Variants in ARHGAP15 observed in about 807,000 individuals in gnomAD.
The protein encoded by ARHGAP15 is Rho GTPase activating protein 15.
A neutral mutation model predicts 63.7 loss-of-function variants in ARHGAP15; 51 were observed. The ratio of observed to expected loss-of-function variants is 0.80; its 90% CI spans 0.64 to 1.01. The LOEUF is 1.01. Ranked by LOEUF, ARHGAP15 falls within the 50% of genes least tolerant of loss-of-function variation. The probability of loss-of-function intolerance (pLI) is 0.00; values close to 1 mark genes in which losing one functional copy is unlikely to be tolerated. For synonymous variants in ARHGAP15, 191 were observed against 193.8 expected (o/e 0.99, Z 0.12); for missense variants, 560 against 564.6 (o/e 0.99, Z 0.08).
At chr2:143,475,109 G>C (rs967918420) in intron 8 of ARHGAP15, among the ~76,000 whole-genome samples, 22 of 152,168 alleles carry the variant, frequency 1.4e-4, no homozygotes, top group African/African-American at 5.1e-4. Flanking sequence ...GAATGATGTG[G>C]ATCTTTGTGG....
chr2:143,398,921 A>T (rs1173073939), intron 6 of ARHGAP15, among the ~76,000 whole-genome samples: 2 of 152,074 alleles, frequency 1.3e-5, no homozygotes, highest in African/African-American at 4.8e-5. Flanking sequence ...GAAGAAACAG[A>T]TTAATTGGAG....
chr2:143,226,885 T>A (rs1466791452), intron 4 of ARHGAP15, among the ~76,000 whole-genome samples: 1 of 152,224 alleles, frequency 6.6e-6, no homozygotes, highest in Non-Finnish European at 1.5e-5. Flanking sequence ...ATATTAACCT[T>A]ACTGAATCAA....
intron 6 of ARHGAP15, among the ~76,000 whole-genome samples, chr2:143,370,037 G>A (rs1407338194): frequency 1.3e-5 from 2 of 152,096 alleles, no homozygotes; most frequent in African/African-American, 4.8e-5. Context: ...GGGACAGTAA[G>A]AAGTAGATAA....
chr2:143,702,547 C>T (rs1193598350), intron 12 of ARHGAP15, among the ~76,000 whole-genome samples: 1 of 152,116 alleles, frequency 6.6e-6, no homozygotes, highest in African/African-American at 2.4e-5. Context: ...GTAATCAAAT[C>T]ACACTATATG....
intron 11 of ARHGAP15, among the ~76,000 whole-genome samples, chr2:143,588,406 G>A (rs772574201): frequency 2.4e-4 from 36 of 152,042 alleles, no homozygotes; most frequent in Non-Finnish European, 3.5e-4. Context: ...TGTGCAGAAC[G>A]TGAGGTTTGC....
chr2:143,339,094 C>A (rs1007839447), intron 6 of ARHGAP15, among the ~76,000 whole-genome samples: 1 of 151,936 alleles, frequency 6.6e-6, no homozygotes, highest in South Asian at 2.1e-4. Context: ...AGACTTGATT[C>A]TAAAGGATAT....
intron 11 of ARHGAP15, among the ~76,000 whole-genome samples, chr2:143,602,381 G>C (rs1038934279): frequency 1.3e-5 from 2 of 152,138 alleles, no homozygotes; most frequent in African/African-American, 2.4e-5. Context: ...GAGATGACCT[G>C]CTTGTTCCTG....
intron 3 of ARHGAP15, among the ~76,000 whole-genome samples, chr2:143,211,423 C>T (rs960239371): frequency 9.9e-5 from 15 of 152,096 alleles, no homozygotes; most frequent in Admixed American, 6.6e-5. Context: ...CAAATGTGTC[C>T]TCATTCTGTG....
chr2:143,487,568 C>T, intron 9 of ARHGAP15, 73 bp downstream of exon 9: 1 of 1,448,962 alleles, frequency 6.9e-7, no homozygotes, highest in Non-Finnish European at 9.2e-7. Context: ...CTAATCAGCT[C>T]TAAAGGAATA....
chr2:143,134,515 A>G (rs558811921), intron 1 of ARHGAP15, among the ~76,000 whole-genome samples: 91 of 152,348 alleles, frequency 6.0e-4, no homozygotes, highest in Non-Finnish European at 1.0e-3. Flanking sequence ...ATTCTTTCTC[A>G]GCTGTATAAC....
At chr2:143,760,070 C>A (rs1052994182) in intron 13 of ARHGAP15, among the ~76,000 whole-genome samples, 1 of 152,116 alleles carries the variant, frequency 6.6e-6, no homozygotes, top group Admixed American at 6.6e-5. Flanking sequence ...TTCATCTGAG[C>A]AGGGATTTTG....
intron 10 of ARHGAP15, among the ~76,000 whole-genome samples, chr2:143,544,984 CCTT>C (rs1010044118): frequency 5.9e-5 from 9 of 152,178 alleles, no homozygotes; most frequent in African/African-American, 2.2e-4. Flanking sequence ...GTTAGGAGCA[CCTT>C]CTTCTTTGCC....
intron 11 of ARHGAP15, among the ~76,000 whole-genome samples, chr2:143,593,915 T>C (rs758417721): frequency 5.9e-5 from 9 of 152,160 alleles, no homozygotes; most frequent in Non-Finnish European, 1.2e-4. Context: ...ATGATTGAAA[T>C]GGAAATGAAA....
chr2:143,543,409 T>G (rs925441291), intron 10 of ARHGAP15, among the ~76,000 whole-genome samples: 1 of 152,106 alleles, frequency 6.6e-6, no homozygotes, highest in African/African-American at 2.4e-5. Flanking sequence ...TTTTTGGTTG[T>G]TTGGTATTGA....
At chr2:143,612,192 C>T (rs879277277) in intron 11 of ARHGAP15, among the ~76,000 whole-genome samples, 4 of 152,186 alleles carry the variant, frequency 2.6e-5, no homozygotes, top group Admixed American at 2.0e-4. Context: ...TTTCATCATT[C>T]ACCTTTGCAC....
intron 12 of ARHGAP15, among the ~76,000 whole-genome samples, chr2:143,632,596 A>T (rs1680098767): frequency 6.6e-6 from 1 of 152,158 alleles, no homozygotes; most frequent in Admixed American, 6.5e-5. Context: ...ATTAGCCACC[A>T]AAAGTAGAGA....
At chr2:143,619,547 G>A (rs1251458643) in intron 11 of ARHGAP15, among the ~76,000 whole-genome samples, 6 of 152,306 alleles carry the variant, frequency 3.9e-5, no homozygotes, top group African/African-American at 9.6e-5. Flanking sequence ...GTGAGACATC[G>A]TGATTCAACC....
intron 6 of ARHGAP15, among the ~76,000 whole-genome samples, chr2:143,426,250 G>A (rs1689133535): frequency 6.6e-6 from 1 of 152,138 alleles, no homozygotes; most frequent in Admixed American, 6.6e-5. Flanking sequence ...TTATTTTTAT[G>A]TAAATATTGC....
At chr2:143,395,789 C>T (rs1558942755) in intron 6 of ARHGAP15, among the ~76,000 whole-genome samples, 1 of 151,992 alleles carries the variant, frequency 6.6e-6, no homozygotes, top group African/African-American at 2.4e-5. Context: ...ATGAGAAAGA[C>T]AGAAAGGCAT....
Sources: gnomAD v4.1 joint callset for allele counts (sites outside exome capture counted in the v4.1 genomes callset) on GRCh38, gnomAD v4.1.1 for gene constraint, MANE v1.5 for transcripts, NCBI Gene and HGNC (gene_info 2026-07-23, HGNC 2026-07-21) for gene names.